The following TSNAX variants were observed in gnomAD, a reference collection of about 807,000 sequenced individuals.
TSNAX encodes translin-associated protein X.
TSNAX carries 12 observed loss-of-function variants against 33.0 expected under a neutral mutation model. The observed-to-expected ratio is 0.36, with a 90% CI of 0.23 to 0.59. The LOEUF (loss-of-function observed/expected upper bound fraction) is 0.59, where lower values mean the gene tolerates loss of function less well. Ranked by LOEUF, TSNAX falls within the 20% of genes least tolerant of loss-of-function variation. The pLI, the probability that TSNAX is intolerant of heterozygous loss-of-function variation, is 0.74. For synonymous variants in TSNAX, 110 were observed against 117.2 expected, an observed-to-expected ratio of 0.94 and a Z score of 0.40; for missense variants, 267 against 341.3, an observed-to-expected ratio of 0.78 and a Z score of 1.72.
At chr1:231,560,763 A>T (rs73108290) in intron 4 of TSNAX, among the ~76,000 whole-genome samples, 2,865 of 150,672 alleles carry the variant, frequency 0.019, 94 homozygotes, top group African/African-American at 0.067. Context: ...TCTTAAAAAA[A>T]TTTTTTTTCT....
At position 231,564,937 on chromosome 1, in the gene TSNAX, G is replaced by T; in HGVS notation, c.*32G>T. The T allele has an allele frequency of 1.3e-6, 2 of 1,596,986 alleles. No homozygotes were observed. The highest frequency in any genetic ancestry group is 2.3e-5 in the South Asian group (2 of 88,434). ...ACGTTACTCAGTTACTAATTCTTTT[G>T]AGAACTCCTAAGAGACCAATTTGTA... On this transcript the variant is annotated 3_prime_UTR_variant, in exon 6 of 6. Transcript: ENST00000366639.
intron 4 of TSNAX, among the ~76,000 whole-genome samples, chr1:231,553,845 C>G (rs1037106140): frequency 2.6e-5 from 4 of 152,076 alleles, no homozygotes; most frequent in Non-Finnish European, 2.9e-5. Flanking sequence ...TGCCACCACA[C>G]CCGGCTAATT....
intron 2 of TSNAX, among the ~76,000 whole-genome samples, chr1:231,529,902 CT>C (rs1279925841): frequency 6.6e-6 from 1 of 152,244 alleles, no homozygotes; most frequent in Non-Finnish European, 1.5e-5. Context: ...TTGTCCCTGT[CT>C]ATCCACTATC....
Position 231,544,308 on chromosome 1 carries a change from A to G in TSNAX, c.367+1697A>G, listed in dbSNP as rs114693754. Among the ~76,000 whole-genome samples the G allele has an allele frequency of 4.5e-3, 679 of 152,330 alleles. 5 individuals carry two copies. The highest frequency in any genetic ancestry group is 0.016 in the African/African-American group (650 of 41,568). Reference sequence around the variant, plus strand: ...TGAATGACTAAAGGCAAGAGTTTGAATAACTTCCATAATCTTTATCATTTT... The same window carrying G: ...TGAATGACTAAAGGCAAGAGTTTGAGTAACTTCCATAATCTTTATCATTTT... On this transcript the variant is annotated intron_variant, in intron 4 of 5. Coordinates refer to ENST00000366639, the MANE Select transcript of TSNAX (RefSeq NM_005999.3).
At position 231,560,452 on chromosome 1, in the gene TSNAX, T is replaced by TC. The variant is rs1222514419; in HGVS notation, c.368-671dup. On this transcript the variant is annotated intron_variant, in intron 4 of 5. Coordinates refer to ENST00000366639, the MANE Select transcript of TSNAX (RefSeq NM_005999.3). ...TTTTTGAGACGAAGTCTCGCTCTTG[T>TC]CCCCCAGGCTGGAGTGCAATGGTGC... Among the ~76,000 whole-genome samples, 6 of 106,430 alleles carry TC rather than the reference T, an allele frequency of 5.6e-5. 1 individual carries two copies. Among genetic ancestry groups the TC allele is most frequent in the African/African-American group, 2.2e-4 (6 of 27,118 alleles). The allele number at this position is 106,430 out of a possible 152,430, so 69.8% of individuals were successfully genotyped here. A position where few individuals can be genotyped will look rare whatever the true frequency, so the allele number is the denominator to read the frequency against.
At chr1:231,549,444 AAAAG>A (rs1660160782) in intron 4 of TSNAX, among the ~76,000 whole-genome samples, 1 of 152,154 alleles carries the variant, frequency 6.6e-6, no homozygotes, top group Non-Finnish European at 1.5e-5. Flanking sequence ...AAATAAAAAT[AAAAG>A]AATGAATGTG....
At chr1:231,550,093 A>G (rs1168507279) in intron 4 of TSNAX, among the ~76,000 whole-genome samples, 1 of 152,130 alleles carries the variant, frequency 6.6e-6, no homozygotes, top group East Asian at 1.9e-4. Flanking sequence ...TATTCGATAA[A>G]AGTACACCTC....
chr1:231,543,676 GAT>G (rs1218947099), intron 4 of TSNAX, among the ~76,000 whole-genome samples: 1 of 152,108 alleles, frequency 6.6e-6, no homozygotes, highest in East Asian at 1.9e-4. Flanking sequence ...CAGAAATGTT[GAT>G]ATGTCTTCTA....
intron 2 of TSNAX, chr1:231,536,813 A>G (rs1659206166): frequency 1.3e-5 from 2 of 151,676 alleles, no homozygotes; most frequent in African/African-American, 4.9e-5. Flanking sequence ...CATTGTCTGC[A>G]TTTACATTGT....
chr1:231,554,172 T>C (rs1408480405), intron 4 of TSNAX, among the ~76,000 whole-genome samples: 1 of 152,234 alleles, frequency 6.6e-6, no homozygotes, highest in African/African-American at 2.4e-5. Context: ...CCATATTCTC[T>C]CTTTTCCCTA....
At chr1:231,532,131 AACACACACACACACACACACAC>A (rs745744924) in intron 2 of TSNAX, among the ~76,000 whole-genome samples, 51 of 85,176 alleles carry the variant, frequency 6.0e-4, no homozygotes, top group Admixed American at 2.5e-3. Context: ...TAGTGGTAAT[AACACACACACACACACACACAC>A]ACACACACAC....
At chr1:231,559,082 G>T (rs1382013767) in intron 4 of TSNAX, among the ~76,000 whole-genome samples, 1 of 152,134 alleles carries the variant, frequency 6.6e-6, no homozygotes, top group Non-Finnish European at 1.5e-5. Flanking sequence ...AGTGGCAGGT[G>T]GGGGAGACTT....
At position 231,528,692 on chromosome 1, in the gene TSNAX, C is replaced by G. The variant is rs1223690689; in HGVS notation, c.-119C>G. 5.9e-6 allele frequency: 7 copies of G among 1,194,672 alleles called. No homozygotes were observed. The highest frequency in any genetic ancestry group is 8.6e-6 in the Non-Finnish European group (7 of 817,020). The allele number at this position is 1,194,672 out of a possible 1,614,324, so 74.0% of individuals were successfully genotyped here. ...TTCCGGCCACTGCGTTGTAGTCGGC[C>G]CGGCTGCAAAGCGTTTTTCTGCAGG... On this transcript the variant is annotated 5_prime_UTR_variant, in exon 1 of 6. Coordinates refer to ENST00000366639, the MANE Select transcript of TSNAX (RefSeq NM_005999.3).
intron 4 of TSNAX, among the ~76,000 whole-genome samples, chr1:231,547,006 C>T (rs1659961173): frequency 6.6e-6 from 1 of 152,186 alleles, no homozygotes; most frequent in African/African-American, 2.4e-5. Context: ...AATACGGTCT[C>T]TGTGCGTGCC....
At chr1:231,541,629 T>A (rs1430493476) in intron 3 of TSNAX, among the ~76,000 whole-genome samples, 1 of 152,206 alleles carries the variant, frequency 6.6e-6, no homozygotes, top group African/African-American at 2.4e-5. Context: ...TTTGTAAATG[T>A]TCATTCCTTT....
At chr1:231,543,028 C>G (rs1659677881) in intron 4 of TSNAX, among the ~76,000 whole-genome samples, 2 of 151,850 alleles carry the variant, frequency 1.3e-5, no homozygotes, top group Non-Finnish European at 1.5e-5. Context: ...AAATACAAAA[C>G]TTAGCCAGGT....
At chr1:231,558,805 T>A (rs1307970245) in intron 4 of TSNAX, among the ~76,000 whole-genome samples, 1 of 152,130 alleles carries the variant, frequency 6.6e-6, no homozygotes, top group East Asian at 1.9e-4. Flanking sequence ...ATAAATGACA[T>A]CATCTGTTTT....
chr1:231,530,801 T>C (rs1658651578), intron 2 of TSNAX, among the ~76,000 whole-genome samples: 1 of 150,914 alleles, frequency 6.6e-6, no homozygotes, highest in African/African-American at 2.4e-5. Context: ...GGCAGGAGAA[T>C]CGCTTGAACC....
chr1:231,529,504 T>A lies in TSNAX; in HGVS notation c.121+145T>A, dbSNP rs531179908. 2.5e-5 allele frequency: 18 copies of A among 729,948 alleles called. No individual in the cohort carries two copies. In the African/African-American group the frequency reaches 2.9e-4, roughly 12 times the overall value. 45.2% of individuals were successfully genotyped at this position (729,948 alleles called of 1,614,324 possible). On this transcript the variant is annotated intron_variant, in intron 2 of 5. Transcript: ENST00000366639. ...TGGCGCTAGATGTACCCTAAAAGTC[T>A]GGATTACAAAGGCCTTCACTTTTAT...
Sources: gnomAD v4.1 joint callset for allele counts (sites outside exome capture counted in the v4.1 genomes callset) on GRCh38, gnomAD v4.1.1 for gene constraint, MANE v1.5 for transcripts, NCBI Gene and HGNC (gene_info 2026-07-23, HGNC 2026-07-21) for gene names.